Variants in FAM184A observed in about 807,000 individuals in gnomAD.
The protein encoded by FAM184A is protein FAM184A.
In FAM184A, 99 loss-of-function variants were observed where a neutral mutation model predicts 143.8. The ratio of observed to expected loss-of-function variants is 0.69; its 90% CI spans 0.58 to 0.81. The LOEUF is 0.81. Among genes scored for constraint, FAM184A ranks in the 40% least tolerant of loss-of-function variants. The pLI is 0.00. For synonymous variants in FAM184A, 427 were observed against 446.4 expected (o/e 0.96, Z 0.55); for missense variants, 1,217 against 1,310.5 (o/e 0.93, Z 1.10).
chr6:118,980,950 A>G (rs1477407401), intron 9 of FAM184A, among the ~76,000 whole-genome samples: 1 of 152,228 alleles, frequency 6.6e-6, no homozygotes, highest in Non-Finnish European at 1.5e-5. Flanking sequence ...ATAATTTAGA[A>G]TCATCATGTA....
intron 1 of FAM184A, among the ~76,000 whole-genome samples, chr6:119,098,464 A>G (rs1364817110): frequency 6.6e-6 from 1 of 152,240 alleles, no homozygotes; most frequent in African/African-American, 2.4e-5. Flanking sequence ...GACTTTTTAA[A>G]GGCAGGAGTA....
upstream of FAM184A, among the ~76,000 whole-genome samples, chr6:119,079,811 C>T (rs1195538730): frequency 3.3e-5 from 5 of 152,264 alleles, no homozygotes; most frequent in Admixed American, 6.5e-5. Flanking sequence ...AAGGTTTAAT[C>T]GGACCCTGAA....
intron 1 of FAM184A, among the ~76,000 whole-genome samples, chr6:119,099,300 A>G (rs905124879): frequency 6.6e-6 from 1 of 152,112 alleles, no homozygotes; most frequent in African/African-American, 2.4e-5. Context: ...GCAGGGAACC[A>G]AACTTCTCAT....
At chr6:119,085,444 C>T (rs553894706) in intron 1 of FAM184A, among the ~76,000 whole-genome samples, 78 of 152,326 alleles carry the variant, frequency 5.1e-4, no homozygotes, top group African/African-American at 1.7e-3. Context: ...AATTCCTCAT[C>T]GCCTTCTGAG....
intron 1 of FAM184A, among the ~76,000 whole-genome samples, chr6:119,044,065 G>A (rs1425939611): frequency 2.0e-5 from 3 of 152,110 alleles, no homozygotes; most frequent in African/African-American, 7.2e-5. Flanking sequence ...GAAACCAAAA[G>A]TTGATTTTTT....
intron 1 of FAM184A, among the ~76,000 whole-genome samples, chr6:119,038,523 T>G (rs1014464274): frequency 6.6e-6 from 1 of 152,014 alleles, no homozygotes; most frequent in Non-Finnish European, 1.5e-5. Context: ...ACTGCAACAC[T>G]CCCACCAGCG....
intron 1 of FAM184A, among the ~76,000 whole-genome samples, chr6:119,042,565 T>G (rs986924845): frequency 5.9e-5 from 9 of 152,138 alleles, no homozygotes; most frequent in African/African-American, 2.2e-4. Flanking sequence ...CACCAATAAT[T>G]TGGGGTAATT....
intron 1 of FAM184A, among the ~76,000 whole-genome samples, chr6:119,035,384 A>G (rs1284714968): frequency 2.6e-5 from 4 of 152,178 alleles, no homozygotes; most frequent in Middle Eastern, 6.3e-3. Context: ...AGACTGATGA[A>G]CCAGACTTTT....
rs1185882281 is a variant in FAM184A at position 119,016,801 on chromosome 6, C to T, written c.1476G>A (p.Met492Ile). 2.5e-6 allele frequency: 4 copies of T among 1,614,030 alleles called. No homozygotes were observed. The highest frequency in any genetic ancestry group is 3.4e-6 in the Non-Finnish European group (4 of 1,180,038). The change falls in exon 5 of 18, where the codon ATG becomes ATA. Residue 492 changes from methionine (M) to isoleucine (I), a missense_variant. By Grantham distance (10) the Met-to-Ile change is conservative. Coordinates refer to ENST00000338891, the MANE Select transcript of FAM184A (RefSeq NM_024581.6). ...TLEELAWKHH[M>I]AIEAVHSNAI... ...CATTACTGTGGACAGCTTCAATTGCCATATGGTGCTTCCAAGCTAATTCTT... is the reference window on the plus strand; with the variant it reads ...CATTACTGTGGACAGCTTCAATTGCTATATGGTGCTTCCAAGCTAATTCTT...
At chr6:119,003,124 T>G (rs1346465305) in intron 8 of FAM184A, 75 bp from the exon 9 acceptor site, 1 of 1,291,610 alleles carries the variant, frequency 7.7e-7, no homozygotes, top group Non-Finnish European at 1.0e-6. Context: ...TCTACAGGTT[T>G]TTTAAGCGCT....
intron 1 of FAM184A, among the ~76,000 whole-genome samples, chr6:119,046,607 GC>G (rs1252382618): frequency 6.6e-6 from 1 of 151,670 alleles, no homozygotes; most frequent in African/African-American, 2.4e-5. Context: ...TTTTTACTAT[GC>G]CCATGCAATT....
chr6:119,034,483 T>C (rs1786030529), intron 1 of FAM184A, among the ~76,000 whole-genome samples: 1 of 151,826 alleles, frequency 6.6e-6, no homozygotes, highest in Non-Finnish European at 1.5e-5. Flanking sequence ...AAATCTACAA[T>C]AGCTTTTCTT....
chr6:119,077,933 C>A (rs73531378), intron 1 of FAM184A, among the ~76,000 whole-genome samples: 4,682 of 152,354 alleles, frequency 0.031, 105 homozygotes, highest in African/African-American at 0.057. Context: ...CTTACGCGCA[C>A]CGTGCCGCTG....
At chr6:119,138,905 C>T (rs1772113180) in intron 1 of FAM184A, among the ~76,000 whole-genome samples, 1 of 152,188 alleles carries the variant, frequency 6.6e-6, no homozygotes, top group Non-Finnish European at 1.5e-5. Context: ...GGATTACAGG[C>T]ATGAGCCACC....
At chr6:119,053,681 T>G (rs1156474013) in intron 1 of FAM184A, among the ~76,000 whole-genome samples, 5 of 152,288 alleles carry the variant, frequency 3.3e-5, no homozygotes, top group African/African-American at 1.2e-4. Flanking sequence ...TTCTCCATCC[T>G]ATGGCCACCC....
Position 118,979,410 on chromosome 6 carries a change from G to A in FAM184A, c.2410C>T (p.Gln804Ter), listed in dbSNP as rs1314713736. The A allele has an allele frequency of 1.2e-6, 2 of 1,613,758 alleles. No individual in the cohort carries two copies. Among genetic ancestry groups the A allele is most frequent in the Non-Finnish European group, 1.7e-6 (2 of 1,179,896 alleles). Residue 804 changes from glutamine to a stop codon, truncating the protein, a stop_gained, in exon 11 of 18, where the codon CAG (glutamine) becomes TAG (stop). Coordinates refer to ENST00000338891, the MANE Select transcript of FAM184A (RefSeq NM_024581.6). LOFTEE classifies it high-confidence loss of function. The stretch of plus-strand genomic sequence containing the variant: ...TCTTCTAATTCAAACCGAAGAGTCT[G>A]AAGTTCCTGTTCCATTTCTATCCGG... ...GFRIEMEQEL[Q>*]TLRFELEDEG...
chr6:119,148,531 C>T (rs1238264928), intron 1 of FAM184A, among the ~76,000 whole-genome samples: 1 of 152,146 alleles, frequency 6.6e-6, no homozygotes, highest in African/African-American at 2.4e-5. Flanking sequence ...CGCCCCTGCT[C>T]TGCCTGCAGG....
At chr6:119,146,005 T>TC (rs1562168642) in intron 1 of FAM184A, among the ~76,000 whole-genome samples, 1 of 152,170 alleles carries the variant, frequency 6.6e-6, no homozygotes, top group African/African-American at 2.4e-5. Context: ...CACAGGTATT[T>TC]CCCCAAATGT....
intron 1 of FAM184A, among the ~76,000 whole-genome samples, chr6:119,055,783 T>G (rs1328019307): frequency 1.3e-5 from 2 of 152,178 alleles, no homozygotes; most frequent in African/African-American, 4.8e-5. Context: ...TATGACTTAT[T>G]ATGGGCTTCA....
Sources: gnomAD v4.1 joint callset for allele counts (sites outside exome capture counted in the v4.1 genomes callset) on GRCh38, gnomAD v4.1.1 for gene constraint, MANE v1.5 for transcripts, NCBI Gene and HGNC (gene_info 2026-07-23, HGNC 2026-07-21) for gene names.